Variants in SGCD observed in about 807,000 individuals in gnomAD.
The protein encoded by SGCD is delta-sarcoglycan.
SGCD carries 18 observed loss-of-function variants against 36.6 expected under a neutral mutation model. The ratio of observed to expected loss-of-function variants is 0.49; its 90% confidence interval spans 0.34 to 0.73. The LOEUF (loss-of-function observed/expected upper bound fraction) is 0.73, where lower values mean the gene tolerates loss of function less well. Among genes scored for constraint, SGCD ranks in the 30% least tolerant of loss-of-function variants. The pLI, the probability that SGCD is intolerant of heterozygous loss-of-function variation, is 0.01. For missense variants in SGCD, 387 were observed against 346.7 expected (o/e 1.12, Z -0.92); for synonymous variants, 133 against 130.6 (o/e 1.02, Z -0.12).
intron 6 of SGCD, among the ~76,000 whole-genome samples, chr5:156,630,958 G>A (rs2113531316): frequency 6.6e-6 from 1 of 152,212 alleles, no homozygotes; most frequent in Non-Finnish European, 1.5e-5. Context: ...GAAAACAAAA[G>A]GAGGGCTAAA....
intron 4 of SGCD, among the ~76,000 whole-genome samples, chr5:156,512,676 T>C (rs571482372): frequency 2.6e-5 from 4 of 152,366 alleles, no homozygotes; most frequent in African/African-American, 4.8e-5. Context: ...TTCTAAAATA[T>C]GTCTGTTCAC....
At chr5:156,394,166 G>T (rs758240000) in intron 3 of SGCD, among the ~76,000 whole-genome samples, 48 of 152,198 alleles carry the variant, frequency 3.2e-4, no homozygotes, top group Non-Finnish European at 5.7e-4. Flanking sequence ...ATTTAGTCAT[G>T]TCTGGATCAA....
intron 1 of SGCD, among the ~76,000 whole-genome samples, chr5:155,936,772 CCA>C: frequency 6.6e-6 from 1 of 152,208 alleles, no homozygotes; most frequent in East Asian, 1.9e-4. Context: ...CTGCCTCTTA[CCA>C]CTGTTCCGTA....
At chr5:156,461,234 C>T (rs1220631103) in intron 3 of SGCD, among the ~76,000 whole-genome samples, 3 of 151,806 alleles carry the variant, frequency 2.0e-5, no homozygotes, top group Admixed American at 2.0e-4. Flanking sequence ...ATGTGTATTG[C>T]ATTCTTATTA....
At chr5:156,184,094 T>C (rs1236787821) in intron 3 of SGCD, among the ~76,000 whole-genome samples, 1 of 152,184 alleles carries the variant, frequency 6.6e-6, no homozygotes, top group African/African-American at 2.4e-5. Context: ...AGTCTACAGA[T>C]GGGCCAAAAT....
chr5:156,230,273 C>A (rs1581182515), intron 3 of SGCD, among the ~76,000 whole-genome samples: 1 of 152,052 alleles, frequency 6.6e-6, no homozygotes, highest in East Asian at 1.9e-4. Context: ...CCCTTATTAC[C>A]AGAGTTGGTT....
chr5:156,424,076 ACTTT>A (rs1773559366), intron 3 of SGCD, among the ~76,000 whole-genome samples: 2 of 152,036 alleles, frequency 1.3e-5, no homozygotes, highest in African/African-American at 2.4e-5. Flanking sequence ...AAAGTAAAAT[ACTTT>A]CTTTCATTTC....
At chr5:156,341,735 A>G (rs1768665199) in intron 2 of SGCD, among the ~76,000 whole-genome samples, 1 of 152,150 alleles carries the variant, frequency 6.6e-6, no homozygotes, top group Non-Finnish European at 1.5e-5. Context: ...TTTGAGACGA[A>G]GTCTTCACTC....
intron 3 of SGCD, among the ~76,000 whole-genome samples, chr5:156,136,360 C>A (rs1372895714): frequency 6.6e-6 from 1 of 152,198 alleles, no homozygotes; most frequent in Non-Finnish European, 1.5e-5. Flanking sequence ...CAGTCTCCTA[C>A]CTCGGCCTCC....
At chr5:155,831,192 A>G in the SGCD span, among the ~76,000 whole-genome samples, 1 of 152,166 alleles carries the variant, frequency 6.6e-6, no homozygotes, top group Admixed American at 6.6e-5. Flanking sequence ...TAAGCTACTG[A>G]GATGAACTGT....
At chr5:155,826,395 C>G in the SGCD span, among the ~76,000 whole-genome samples, 1 of 152,202 alleles carries the variant, frequency 6.6e-6, no homozygotes, top group Admixed American at 6.5e-5. Flanking sequence ...ACTATACTTA[C>G]AATAAATTCA....
intron 4 of SGCD, among the ~76,000 whole-genome samples, chr5:156,587,026 C>A (rs1311192521): frequency 6.6e-6 from 1 of 152,032 alleles, no homozygotes; most frequent in Non-Finnish European, 1.5e-5. Context: ...AATGATTTAC[C>A]CAAGGCCATA....
the SGCD span, among the ~76,000 whole-genome samples, chr5:155,811,656 T>C: frequency 6.6e-6 from 1 of 152,170 alleles, no homozygotes. Context: ...AACGGGGCTC[T>C]CTCTTTGTTC....
chr5:156,180,367 A>G (rs1012283783), intron 3 of SGCD, among the ~76,000 whole-genome samples: 1 of 151,310 alleles, frequency 6.6e-6, no homozygotes, highest in Non-Finnish European at 1.5e-5. Context: ...CCAGTACAAT[A>G]AAGCAATAAA....
chr5:156,337,517 T>G (rs1768418354), intron 2 of SGCD, among the ~76,000 whole-genome samples: 1 of 152,202 alleles, frequency 6.6e-6, no homozygotes, highest in Admixed American at 6.5e-5. Context: ...CTTCAGTTCT[T>G]CAGGCCGTAG....
At chr5:155,996,863 G>GGATAGATAGATAGATAGATAGATA (rs10696253) in intron 1 of SGCD, among the ~76,000 whole-genome samples, 11 of 133,474 alleles carry the variant, frequency 8.2e-5, no homozygotes, top group South Asian at 2.7e-4. Flanking sequence ...CTGGATGGAT[G>GGATAGATAGATAGATAGATAGATA]GATAGATAGA....
chr5:155,984,530 C>CT (rs1223104832), intron 1 of SGCD, among the ~76,000 whole-genome samples: 1 of 152,156 alleles, frequency 6.6e-6, no homozygotes, highest in African/African-American at 2.4e-5. Context: ...GTTTTTATTT[C>CT]TTTTATGGAC....
intron 3 of SGCD, among the ~76,000 whole-genome samples, chr5:156,306,719 C>A (rs1767222297): frequency 6.6e-6 from 1 of 152,140 alleles, no homozygotes; most frequent in African/African-American, 2.4e-5. Flanking sequence ...ACTGTGATCA[C>A]TTGATTTTTG....
At chr5:156,531,693 T>A (rs772280799) in intron 4 of SGCD, among the ~76,000 whole-genome samples, 16 of 152,102 alleles carry the variant, frequency 1.1e-4, no homozygotes, top group Non-Finnish European at 1.9e-4. Context: ...GAAAAAACCT[T>A]AAATCGCCCA....
Sources: gnomAD v4.1 joint callset for allele counts (sites outside exome capture counted in the v4.1 genomes callset) on GRCh38, gnomAD v4.1.1 for gene constraint, MANE v1.5 for transcripts, NCBI Gene and HGNC (gene_info 2026-07-23, HGNC 2026-07-21) for gene names.